Variants in RNF17 observed in about 807,000 individuals in gnomAD.
RNF17 encodes ring finger protein 17, also known as spermatogenesis associated 23.
In RNF17, 31 loss-of-function variants were observed where a neutral mutation model predicts 200.5. The observed-to-expected ratio is 0.15, with a 90% CI of 0.12 to 0.21. The LOEUF (loss-of-function observed/expected upper bound fraction) is 0.21, where lower values mean the gene tolerates loss of function less well. RNF17 is among the 10% of genes least tolerant of loss of function. The probability of loss-of-function intolerance (pLI) is 1.00; values close to 1 mark genes in which losing one functional copy is unlikely to be tolerated. For synonymous variants in RNF17, 606 were observed against 637.8 expected (o/e 0.95, Z 0.75); for missense variants, 1,628 against 1,905.1 (o/e 0.85, Z 2.71).
At chr13:24,880,191 A>C (rs1466135087), downstream of RNF17, among the ~76,000 whole-genome samples, 1 of 152,154 alleles carries the variant, frequency 6.6e-6, no homozygotes, top group Non-Finnish European at 1.5e-5. Context: ...AAACCTACAA[A>C]CATGGGGGAA....
intron 33 of RNF17, among the ~76,000 whole-genome samples, chr13:24,874,997 C>A (rs1894704923): frequency 6.6e-6 from 1 of 152,128 alleles, no homozygotes; most frequent in Non-Finnish European, 1.5e-5. Flanking sequence ...AAGATTCATT[C>A]ATGTTGTAGC....
rs1045937568 is a variant in RNF17 at position 24,843,473 on chromosome 13, A to G, written c.2604-271A>G. ...GCGCAAGCTGCAGTGAGCCAAGATCACATCACTGCACTTCAGCCTGGGTGA... is the reference window on the plus strand; with the variant it reads ...GCGCAAGCTGCAGTGAGCCAAGATCGCATCACTGCACTTCAGCCTGGGTGA... On this transcript the variant is annotated intron_variant, in intron 19 of 35. Transcript: ENST00000255324. Among the ~76,000 whole-genome samples the G allele has an allele frequency of 3.9e-5, 6 of 152,150 alleles. No individual in the cohort carries two copies. In the South Asian group the frequency reaches 1.0e-3, roughly 26 times the overall value.
At chr13:24,848,521 G>A (rs1891497409) in intron 22 of RNF17, among the ~76,000 whole-genome samples, 1 of 152,088 alleles carries the variant, frequency 6.6e-6, no homozygotes, top group Admixed American at 6.5e-5. Context: ...AATTAGCCAG[G>A]TGTGGTGGCA....
At chr13:24,805,997 C>A (rs1303879817) in intron 15 of RNF17, among the ~76,000 whole-genome samples, 1 of 152,020 alleles carries the variant, frequency 6.6e-6, no homozygotes, top group Non-Finnish European at 1.5e-5. Flanking sequence ...CCATCCCCAT[C>A]ATCTACATTA....
Position 24,859,765 on chromosome 13 carries a change from C to T in RNF17, c.3774+601C>T, listed in dbSNP as rs1292917655. On this transcript the variant is annotated intron_variant, in intron 26 of 35. Transcript: ENST00000255324. ...AACTTAAGTGAAAAAGTCTTTTTTC[C>T]ACCTGGACAGGAGTTTATTTTCTGT... Among the ~76,000 whole-genome samples, 3 of 151,880 alleles carry T rather than the reference C, an allele frequency of 2.0e-5. No individual in the cohort carries two copies. In the East Asian group the frequency reaches 5.8e-4, roughly 29 times the overall value.
chr13:24,831,803 T>C lies in RNF17; in HGVS notation c.2362-55T>C, dbSNP rs1345413835. ...TACACACTTAATAAAACTTGAATTCTAAAGTAGGTAGAAATTAAATTTTTT... is the reference window on the plus strand; with the variant it reads ...TACACACTTAATAAAACTTGAATTCCAAAGTAGGTAGAAATTAAATTTTTT... On this transcript the variant is annotated intron_variant, in intron 17 of 35. Transcript: ENST00000255324. 4.7e-6 allele frequency: 7 copies of C among 1,492,848 alleles called. No homozygotes were observed. In the African/African-American group the frequency reaches 7.1e-5, roughly 15 times the overall value. The allele number at this position is 1,492,848 out of a possible 1,614,324, so 92.5% of individuals were successfully genotyped here.
Position 24,871,958 on chromosome 13 carries a change from C to CTTTT in RNF17, c.4447+1242_4447+1245dup, listed in dbSNP as rs60797153. On this transcript the variant is annotated intron_variant, in intron 32 of 35. Transcript: ENST00000255324. ...GATGAGATTCTTGTTTTATTGATGA[C>CTTTT]TTTTTTTTTTTTTTTTTTTTTTTTT... is the stretch of plus-strand genomic sequence containing the variant. 2.1e-4 allele frequency among the ~76,000 whole-genome samples: 15 copies of CTTTT among 71,732 alleles called. 3 individuals carry two copies. The East Asian group carries it at 4.7e-3, about 22-fold the overall frequency. 47.1% of individuals were successfully genotyped at this position (71,732 alleles called of 152,430 possible).
intron 24 of RNF17, 112 bp downstream of exon 24, chr13:24,851,683 G>T: frequency 3.0e-6 from 2 of 657,198 alleles, no homozygotes. Flanking sequence ...TGCTCTTAAA[G>T]ATTTATAAGC....
intron 16 of RNF17, 106 bp downstream of exon 16, chr13:24,825,878 C>G: frequency 7.1e-7 from 1 of 1,416,384 alleles, no homozygotes; most frequent in Non-Finnish European, 9.4e-7. Flanking sequence ...TTGATCTTAT[C>G]ATTTGCTCTG....
downstream of RNF17, chr13:24,883,427 C>T (rs1953923749): frequency 2.2e-6 from 3 of 1,365,618 alleles, no homozygotes; most frequent in Middle Eastern, 2.5e-4. Flanking sequence ...AAATAAACAA[C>T]AGAAAAACTA....
intron 5 of RNF17, among the ~76,000 whole-genome samples, chr13:24,779,960 A>G (rs943524879): frequency 6.6e-6 from 1 of 152,208 alleles, no homozygotes; most frequent in Non-Finnish European, 1.5e-5. Flanking sequence ...CAGCTTTAAT[A>G]AGGAACCATG....
chr13:24,852,363 C>T (rs1458932138), intron 24 of RNF17, among the ~76,000 whole-genome samples: 1 of 152,104 alleles, frequency 6.6e-6, no homozygotes, highest in African/African-American at 2.4e-5. Context: ...TGGCCTCGAT[C>T]TCCTGACCTC....
chr13:24,764,470 C>G (rs1432663116), intron 1 of RNF17, 137 bp downstream of exon 1: 33 of 1,268,556 alleles, frequency 2.6e-5, no homozygotes, highest in Non-Finnish European at 3.3e-5. Flanking sequence ...ACAGGCCTCC[C>G]GCGAGCTGCA....
rs115705823 is a variant in RNF17, at chr13:24,800,590, T to G, written c.1758+56T>G. 1.8e-3 allele frequency: 2,645 copies of G among 1,470,424 alleles called. 46 individuals carry two copies. In the African/African-American group the frequency reaches 0.034, roughly 19 times the overall value. 91.1% of individuals were successfully genotyped at this position (1,470,424 alleles called of 1,614,324 possible). A position where few individuals can be genotyped will look rare whatever the true frequency, so the allele number is the denominator to read the frequency against. On this transcript the variant is annotated intron_variant, in intron 13 of 35. Coordinates refer to ENST00000255324, the MANE Select transcript of RNF17 (RefSeq NM_031277.3). ...AGAGGTTATTACAATTTTAGCTATG[T>G]ATTGCCAGTTAGATTGCTAAGTATA...
chr13:24,873,219 T>C (rs1170564909), intron 32 of RNF17, among the ~76,000 whole-genome samples: 1 of 152,176 alleles, frequency 6.6e-6, no homozygotes, highest in Non-Finnish European at 1.5e-5. Flanking sequence ...AGTGGCAATA[T>C]GAGCTAATAA....
At chr13:24,884,425 C>T (rs1953950933), downstream of RNF17, 1 of 1,614,060 alleles carries the variant, frequency 6.2e-7, no homozygotes, top group Admixed American at 1.7e-5. Context: ...CATTGGGAAA[C>T]AGTATAACAC....
chr13:24,795,964 A>G (rs547756189), intron 10 of RNF17, among the ~76,000 whole-genome samples, 173 bp from the exon 11 acceptor site: 2 of 152,272 alleles, frequency 1.3e-5, no homozygotes, highest in South Asian at 2.1e-4. Flanking sequence ...AAAGTGATCC[A>G]TTTGTTTTAT....
At chr13:24,861,168 C>T in intron 26 of RNF17, 100 bp from the exon 27 acceptor site, 1 of 1,000,104 alleles carries the variant, frequency 1.0e-6, no homozygotes, top group African/African-American at 1.7e-5. Flanking sequence ...CATGAGCCAT[C>T]AAGCCCGGCC....
intron 7 of RNF17, 32 bp from the exon 8 acceptor site, chr13:24,789,316 C>A: frequency 1.5e-6 from 2 of 1,377,574 alleles, no homozygotes; most frequent in Admixed American, 1.7e-5. Context: ...TGACAAGATT[C>A]ACACATGAAT....
Sources: allele counts gnomAD v4.1 joint callset (sites outside exome capture counted in the v4.1 genomes callset), GRCh38; gene constraint gnomAD v4.1.1; transcripts MANE v1.5; gene names NCBI Gene and HGNC (gene_info 2026-07-23, HGNC 2026-07-21).